The following LMBR1 variants were observed in gnomAD, a reference collection of about 807,000 sequenced individuals.
LMBR1 encodes the protein limb region 1 protein homolog.
A neutral mutation model predicts 73.9 loss-of-function variants in LMBR1; 52 were observed. That is an observed-to-expected ratio of 0.70 (90% CI 0.56 to 0.89). LMBR1 has a LOEUF of 0.89. LMBR1 is among the 40% of genes least tolerant of loss of function. The pLI is 0.00. For missense variants in LMBR1, 539 were observed against 579.8 expected (o/e 0.93, Z 0.72); for synonymous variants, 215 against 209.4 (o/e 1.03, Z -0.23).
intron 1 of LMBR1, among the ~76,000 whole-genome samples, chr7:156,880,124 T>C (rs1240162214): frequency 6.6e-6 from 1 of 152,186 alleles, no homozygotes; most frequent in Non-Finnish European, 1.5e-5. Flanking sequence ...AACAAGTGGA[T>C]ATAGAAACTG....
At chr7:156,672,744 C>T (rs892057912) in intron 4 of LMBR1, among the ~76,000 whole-genome samples, 1 of 152,188 alleles carries the variant, frequency 6.6e-6, no homozygotes, top group African/African-American at 2.4e-5. Context: ...TATATGTGGC[C>T]CGCACACTTA....
chr7:156,882,890 A>T (rs1801311043), intron 1 of LMBR1, among the ~76,000 whole-genome samples: 1 of 151,868 alleles, frequency 6.6e-6, no homozygotes, highest in Non-Finnish European at 1.5e-5. Context: ...AATTAGCTGG[A>T]CGTGGTGGCA....
chr7:156,805,568 G>A (rs1302009877), intron 4 of LMBR1, among the ~76,000 whole-genome samples: 1 of 152,170 alleles, frequency 6.6e-6, no homozygotes, highest in Non-Finnish European at 1.5e-5. Context: ...AGGTCAGATG[G>A]TCAATCCTCT....
At chr7:156,872,074 A>G (rs535800087) in intron 1 of LMBR1, 1 of 152,272 alleles carries the variant, frequency 6.6e-6, no homozygotes, top group East Asian at 1.9e-4. Context: ...GAACCAATAA[A>G]TTTAGCTTTG....
Position 156,732,127 on chromosome 7 carries a change from C to T in LMBR1, c.838+2050G>A, listed in dbSNP as rs1261707887. On this transcript the variant is annotated intron_variant, in intron 10 of 16. Transcript: ENST00000353442. ...AGAACATAACACTGGACTTCCACTT[C>T]TGAAGCTGCGGCAACAACAGGGACC... Among the ~76,000 whole-genome samples, 9 of 152,170 alleles carry T rather than the reference C, an allele frequency of 5.9e-5. No homozygotes were observed. In the South Asian group the frequency reaches 1.0e-3, roughly 18 times the overall value.
chr7:156,823,275 A>G (rs1835097736), intron 4 of LMBR1: 1 of 152,006 alleles, frequency 6.6e-6, no homozygotes, highest in Admixed American at 6.5e-5. Context: ...TGAAAATGGA[A>G]AAGATTTTAA....
At chr7:156,794,938 T>C (rs1220006153) in intron 5 of LMBR1, among the ~76,000 whole-genome samples, 1 of 152,152 alleles carries the variant, frequency 6.6e-6, no homozygotes, top group East Asian at 1.9e-4. Flanking sequence ...AAGTGGTAGA[T>C]GAAAAAAAAT....
At chr7:156,834,602 C>A (rs1262191951) in intron 2 of LMBR1, 27 of 207,004 alleles carry the variant, frequency 1.3e-4, no homozygotes, top group Admixed American at 4.3e-4. Context: ...GATCCTATCT[C>A]AAAAAAAAAA....
chr7:156,708,035 A>T (rs979096796), intron 15 of LMBR1, among the ~76,000 whole-genome samples: 8 of 109,132 alleles, frequency 7.3e-5, no homozygotes, highest in East Asian at 5.7e-4. Flanking sequence ...ATTTCTATAT[A>T]AAAAAAAAAA....
At chr7:156,788,852 A>T (rs1244693018) in intron 5 of LMBR1, among the ~76,000 whole-genome samples, 10 of 152,140 alleles carry the variant, frequency 6.6e-5, no homozygotes, top group Non-Finnish European at 1.0e-4. Flanking sequence ...GTTCAAGGGC[A>T]GCTTGGCCAA....
intron 1 of LMBR1, among the ~76,000 whole-genome samples, chr7:156,885,526 G>A (rs1462794910): frequency 1.3e-5 from 2 of 151,440 alleles, no homozygotes; most frequent in Admixed American, 1.3e-4. Flanking sequence ...GAGGCAGGAG[G>A]ATTACTTGAG....
At position 156,688,041 on chromosome 7, in the gene LMBR1, A is replaced by C. The variant is rs747934626; in HGVS notation, c.1376T>G (p.Phe459Cys). The change falls in exon 16 of 17, where the codon TTC (phenylalanine) becomes TGC (cysteine). Residue 459 changes from phenylalanine to cysteine, a missense_variant. Physicochemically the swap from Phe to Cys is radical, Grantham distance 205. Coordinates refer to ENST00000353442, the MANE Select transcript of LMBR1 (RefSeq NM_022458.4). ...AACCTCAGGATTACCTAGGGCCTTG[A>C]AAAGTTCTTCTCGAACTGCAGAGGT... is the stretch of plus-strand genomic sequence containing the variant. ...KFTSAVREEL[F>C]KALGLHKLHL... 6.2e-7 allele frequency: 1 copy of C among 1,603,966 alleles called. No individual in the cohort carries two copies. Among genetic ancestry groups the C allele is most frequent in the Admixed American group, 1.7e-5 (1 of 57,486 alleles).
At chr7:156,806,975 G>A (rs1343497707) in intron 4 of LMBR1, among the ~76,000 whole-genome samples, 1 of 152,182 alleles carries the variant, frequency 6.6e-6, no homozygotes, top group East Asian at 1.9e-4. Context: ...GATTTTACCA[G>A]AAATGGATAC....
chr7:156,732,920 G>C (rs1259532599), intron 10 of LMBR1, among the ~76,000 whole-genome samples: 1 of 152,182 alleles, frequency 6.6e-6, no homozygotes, highest in Admixed American at 6.5e-5. Context: ...GACGTGGGCA[G>C]AACACTTGAG....
chr7:156,747,635 T>C (rs1483116671), intron 9 of LMBR1, among the ~76,000 whole-genome samples: 1 of 152,168 alleles, frequency 6.6e-6, no homozygotes, highest in Non-Finnish European at 1.5e-5. Flanking sequence ...TATTTGGAAG[T>C]AGATACCTCT....
intron 5 of LMBR1, among the ~76,000 whole-genome samples, chr7:156,790,496 A>C (rs1829017712): frequency 6.6e-6 from 1 of 152,082 alleles, no homozygotes; most frequent in Non-Finnish European, 1.5e-5. Flanking sequence ...CTGTTATGCA[A>C]ATAAAGAGAC....
In LMBR1 at chr7:156,725,916, T is replaced by TA. The variant is rs878915773; in HGVS notation, c.994-80dup. ...TCCCTAAAACAGCTGTTTCATAAAA[T>TA]AAGACAGTTGAAATTATGAATGTTT... On this transcript the variant is annotated intron_variant, in intron 12 of 16. Coordinates refer to ENST00000353442, the MANE Select transcript of LMBR1 (RefSeq NM_022458.4). 102 of 1,076,388 alleles carry TA rather than the reference T, an allele frequency of 9.5e-5. 1 individual carries two copies. The South Asian group carries it at 1.4e-3, about 15-fold the overall frequency. 66.7% of individuals were successfully genotyped at this position (1,076,388 alleles called of 1,614,324 possible).
At chr7:156,751,539 T>C (rs919265063) in intron 9 of LMBR1, among the ~76,000 whole-genome samples, 3 of 152,188 alleles carry the variant, frequency 2.0e-5, no homozygotes, top group Admixed American at 6.5e-5. Context: ...CTGACTCATA[T>C]TGTCAGAGAC....
chr7:156,864,189 T>C (rs550017909), intron 1 of LMBR1, among the ~76,000 whole-genome samples: 150 of 152,096 alleles, frequency 9.9e-4, no homozygotes, highest in Middle Eastern at 3.4e-3. Context: ...AAATAGCTAG[T>C]GAAAAGAAAA....
Sources: gnomAD v4.1 joint callset for allele counts (sites outside exome capture counted in the v4.1 genomes callset) on GRCh38, gnomAD v4.1.1 for gene constraint, MANE v1.5 for transcripts, NCBI Gene and HGNC (gene_info 2026-07-23, HGNC 2026-07-21) for gene names.